Variants in OTOA observed in about 807,000 individuals in gnomAD.
OTOA encodes the protein cancer/testis antigen 108.
A neutral mutation model predicts 110.8 loss-of-function variants in OTOA; 70 were observed. The ratio of observed to expected loss-of-function variants is 0.63; its 90% CI spans 0.52 to 0.77. The LOEUF (loss-of-function observed/expected upper bound fraction) is 0.77. Among genes scored for constraint, OTOA ranks in the 30% least tolerant of loss-of-function variants. The pLI is 0.00. For synonymous variants in OTOA, 373 were observed against 431.5 expected, an observed-to-expected ratio of 0.86 and a Z score of 1.68; for missense variants, 917 against 1,075.8, an observed-to-expected ratio of 0.85 and a Z score of 2.06.
chr16:21,702,199 C>T (rs1597822667), intron 11 of OTOA, among the ~76,000 whole-genome samples: 1 of 152,202 alleles, frequency 6.6e-6, no homozygotes, highest in Non-Finnish European at 1.5e-5. Context: ...ATCCACCCAT[C>T]TTGGACTTCC....
chr16:21,736,900 G>A (rs1899323012), intron 22 of OTOA, among the ~76,000 whole-genome samples: 1 of 152,312 alleles, frequency 6.6e-6, no homozygotes. Context: ...AGGCTAGTAG[G>A]TTTAATGCGT....
At chr16:21,709,556 C>A (rs1416626253) in intron 12 of OTOA, among the ~76,000 whole-genome samples, 1 of 152,094 alleles carries the variant, frequency 6.6e-6, no homozygotes, top group African/African-American at 2.4e-5. Context: ...CACCAGAGGA[C>A]AACAGATGCT....
At chr16:21,705,403 G>A in intron 12 of OTOA, 111 bp downstream of exon 12, 1 of 1,546,316 alleles carries the variant, frequency 6.5e-7, no homozygotes, top group Non-Finnish European at 8.9e-7. Flanking sequence ...CATTAGTCGG[G>A]ATTTAAGTCC....
At chr16:21,718,868 A>T (rs541364417) in intron 15 of OTOA, among the ~76,000 whole-genome samples, 1 of 152,204 alleles carries the variant, frequency 6.6e-6, no homozygotes, top group South Asian at 2.1e-4. Context: ...CCCTGCCACC[A>T]ATGTCTTTGC....
intron 1 of OTOA, among the ~76,000 whole-genome samples, chr16:21,677,375 C>T (rs1188668788): frequency 6.6e-6 from 1 of 151,392 alleles, no homozygotes; most frequent in Non-Finnish European, 1.5e-5. Flanking sequence ...TTGTAGTGGT[C>T]TCGTTGTGAG....
chr16:21,718,339 C>T (rs1002977972), intron 15 of OTOA, among the ~76,000 whole-genome samples: 2 of 152,114 alleles, frequency 1.3e-5, no homozygotes, highest in Non-Finnish European at 2.9e-5. Context: ...GATGGGATTG[C>T]TGTTTCCTGA....
chr16:21,731,023 T>C, intron 21 of OTOA, 93 bp downstream of exon 21: 1 of 736,652 alleles, frequency 1.4e-6, no homozygotes, highest in Non-Finnish European at 2.4e-6. Flanking sequence ...CTGCTGTCTA[T>C]GGTTCTGGAA....
intron 10 of OTOA, among the ~76,000 whole-genome samples, chr16:21,700,311 A>C (rs537121825): frequency 1.3e-5 from 2 of 152,152 alleles, no homozygotes; most frequent in African/African-American, 4.8e-5. Flanking sequence ...TCTAGAAATA[A>C]ATGTGCAAAG....
intron 20 of OTOA, chr16:21,729,874 C>A (rs996818926): frequency 6.6e-6 from 1 of 152,160 alleles, no homozygotes; most frequent in African/African-American, 2.4e-5. Flanking sequence ...TCTTAATGAA[C>A]CACAGTTTAT....
chr16:21,699,761 A>G (rs1191194447), intron 10 of OTOA, among the ~76,000 whole-genome samples: 1 of 152,084 alleles, frequency 6.6e-6, no homozygotes, highest in Non-Finnish European at 1.5e-5. Flanking sequence ...TCTACTAAAA[A>G]TACAAAAATT....
At chr16:21,675,144 T>TC (rs1966855220) in intron 1 of OTOA, among the ~76,000 whole-genome samples, 1 of 147,532 alleles carries the variant, frequency 6.8e-6, no homozygotes, top group South Asian at 2.1e-4. Context: ...TCCTTCTTTC[T>TC]TTTTCTTTCT....
chr16:21,693,261 C>T (rs1318019693), intron 9 of OTOA, among the ~76,000 whole-genome samples: 1 of 151,930 alleles, frequency 6.6e-6, no homozygotes, highest in Admixed American at 6.6e-5. Context: ...GAGACCTTGT[C>T]GCAAAACAAG....
At chr16:21,721,284 A>G (rs745488316) in intron 17 of OTOA, 2 of 451,076 alleles carry the variant, frequency 4.4e-6, no homozygotes, top group Non-Finnish European at 8.9e-6. Context: ...CACACAAACA[A>G]CCAATACAGA....
chr16:21,681,082 T>C (rs1300915296), intron 5 of OTOA, among the ~76,000 whole-genome samples: 1 of 150,856 alleles, frequency 6.6e-6, no homozygotes, highest in African/African-American at 2.4e-5. Context: ...CTCCTAACTA[T>C]GCTATTCCAG....
intron 7 of OTOA, among the ~76,000 whole-genome samples, chr16:21,685,622 G>C (rs1191000210): frequency 1.3e-5 from 2 of 152,098 alleles, no homozygotes; most frequent in Non-Finnish European, 2.9e-5. Context: ...GAGTGCAGTG[G>C]CACAATCTCA....
At chr16:21,704,009 T>A (rs1387992865) in intron 11 of OTOA, among the ~76,000 whole-genome samples, 1 of 152,176 alleles carries the variant, frequency 6.6e-6, no homozygotes, top group Non-Finnish European at 1.5e-5. Flanking sequence ...GAGTGTGCAC[T>A]GCAGAACTGT....
intron 13 of OTOA, among the ~76,000 whole-genome samples, chr16:21,712,589 C>T (rs1898390853): frequency 6.6e-6 from 1 of 151,856 alleles, no homozygotes; most frequent in South Asian, 2.1e-4. Context: ...GCCTGTAATC[C>T]CAGCACTTTG....
At chr16:21,687,320 A>T (rs575642823) in intron 7 of OTOA, 93 bp from the exon 8 acceptor site, 2 of 999,652 alleles carry the variant, frequency 2.0e-6, no homozygotes, top group South Asian at 2.6e-5. Flanking sequence ...AGTGATCCTG[A>T]CTTTCCCCAC....
At chr16:21,691,764 A>C in intron 9 of OTOA, 77 bp downstream of exon 9, 1 of 1,290,610 alleles carries the variant, frequency 7.7e-7, no homozygotes, top group Non-Finnish European at 1.1e-6. Flanking sequence ...CTCTGAAAAC[A>C]TGGATTTGAT....
Sources: allele counts gnomAD v4.1 joint callset (sites outside exome capture counted in the v4.1 genomes callset), GRCh38; gene constraint gnomAD v4.1.1; transcripts MANE v1.5; gene names NCBI Gene and HGNC (gene_info 2026-07-23, HGNC 2026-07-21).